Variants in FGF14 observed in about 807,000 individuals in gnomAD.
FGF14 encodes fibroblast growth factor homologous factor 4.
In FGF14, 5 loss-of-function variants were observed where a neutral mutation model predicts 25.5. The ratio of observed to expected loss-of-function variants is 0.20; its 90% confidence interval spans 0.10 to 0.41. The LOEUF is 0.41. Ranked by LOEUF, FGF14 falls within the 10% of genes least tolerant of loss-of-function variation. The pLI, the probability that FGF14 is intolerant of heterozygous loss-of-function variation, is 1.00. For missense variants in FGF14, 222 were observed against 320.1 expected (o/e 0.69, Z 2.34); for synonymous variants, 138 against 118.3 (o/e 1.17, Z -1.08).
chr13:102,130,415 G>A (rs945968858), intron 1 of FGF14, among the ~76,000 whole-genome samples: 20 of 152,040 alleles, frequency 1.3e-4, no homozygotes, highest in African/African-American at 2.9e-4. Context: ...AACCTTTCAC[G>A]TATCACATCC....
chr13:101,997,917 G>A (rs533889360), intron 1 of FGF14, among the ~76,000 whole-genome samples: 4 of 152,204 alleles, frequency 2.6e-5, no homozygotes, highest in African/African-American at 9.6e-5. Context: ...ACAACATGAT[G>A]TTATGGGATA....
intron 1 of FGF14, among the ~76,000 whole-genome samples, chr13:101,924,855 A>G (rs899464735): frequency 6.6e-6 from 1 of 152,236 alleles, no homozygotes; most frequent in Non-Finnish European, 1.5e-5. Context: ...TATTTGAAAT[A>G]TACATGTCTG....
At chr13:102,286,442 T>C (rs1244374439) in intron 1 of FGF14, among the ~76,000 whole-genome samples, 3 of 152,206 alleles carry the variant, frequency 2.0e-5, no homozygotes, top group Admixed American at 6.5e-5. Context: ...ACATATTTCA[T>C]TGAAATGTTT....
In FGF14 at chr13:101,835,573, G is replaced by T. The variant is rs16959385; in HGVS notation, c.408+33152C>A. Among the ~76,000 whole-genome samples, 327 of 152,082 alleles carry T rather than the reference G, an allele frequency of 2.2e-3. 1 individual carries two copies. Among genetic ancestry groups the T allele is most frequent in the African/African-American group, 7.5e-3 (312 of 41,502 alleles). ...TTTTAGCTGTAGCCGAATATCAAGG[G>T]TAAAATAGGCACAGCGTGGTCCCAA... On this transcript the variant is annotated intron_variant, in intron 3 of 4. Coordinates refer to ENST00000376143, the MANE Select transcript of FGF14 (RefSeq NM_004115.4).
intron 3 of FGF14, among the ~76,000 whole-genome samples, chr13:101,779,966 C>T (rs1179787272): frequency 6.6e-6 from 1 of 152,026 alleles, no homozygotes; most frequent in Non-Finnish European, 1.5e-5. Flanking sequence ...GAAAAACCTC[C>T]CTTCTCTGTG....
chr13:102,132,333 C>A (rs2140416898), intron 1 of FGF14, among the ~76,000 whole-genome samples: 1 of 152,246 alleles, frequency 6.6e-6, no homozygotes, highest in South Asian at 2.1e-4. Flanking sequence ...AAATTTAAGA[C>A]ATATACACAT....
intron 1 of FGF14, among the ~76,000 whole-genome samples, chr13:101,907,328 T>C (rs2032369002): frequency 6.6e-6 from 1 of 152,134 alleles, no homozygotes; most frequent in South Asian, 2.1e-4. Flanking sequence ...GTATTAATAC[T>C]CTCAATTAGA....
chr13:101,906,481 C>T (rs2032260764), intron 1 of FGF14, among the ~76,000 whole-genome samples: 1 of 152,080 alleles, frequency 6.6e-6, no homozygotes, highest in Admixed American at 6.6e-5. Flanking sequence ...AATAAAAAGA[C>T]ATTAAGCAAT....
chr13:102,276,091 T>C (rs898159221), intron 1 of FGF14, among the ~76,000 whole-genome samples: 2 of 151,782 alleles, frequency 1.3e-5, no homozygotes, highest in Non-Finnish European at 2.9e-5. Context: ...CCCTATGAAA[T>C]GTTTTCAGCA....
intron 3 of FGF14, among the ~76,000 whole-genome samples, chr13:101,821,011 G>GCT (rs2042116806): frequency 6.8e-6 from 1 of 146,278 alleles, no homozygotes; most frequent in African/African-American, 2.5e-5. Flanking sequence ...GCAGTGGCAT[G>GCT]ATCTCGGCTC....
At position 102,275,234 on chromosome 13, in the gene FGF14, T is replaced by TTG. The variant is rs1555391830; in HGVS notation, c.208+126236_208+126237insCA. ...ATCTGCCAACTGAGATTAGGCAGAT[T>TTG]TCTCTCTCTCTCTCTCTCTCTCTCT... On this transcript the variant is annotated intron_variant, in intron 1 of 4. Transcript: ENST00000376131. Among the ~76,000 whole-genome samples, 5 of 67,490 alleles carry TTG rather than the reference T, an allele frequency of 7.4e-5. No homozygotes were observed. The East Asian group carries it at 1.1e-3, about 15-fold the overall frequency. 44.3% of individuals were successfully genotyped at this position (67,490 alleles called of 152,430 possible).
intron 1 of FGF14, among the ~76,000 whole-genome samples, chr13:102,279,495 G>A (rs547473230): frequency 8.3e-4 from 127 of 152,222 alleles, no homozygotes; most frequent in African/African-American, 2.9e-3. Flanking sequence ...TATATATTAT[G>A]TGATTGTTTT....
chr13:102,177,958 T>C (rs919047434), intron 1 of FGF14, among the ~76,000 whole-genome samples: 2 of 152,062 alleles, frequency 1.3e-5, no homozygotes, highest in African/African-American at 4.8e-5. Flanking sequence ...ATTCAGCACA[T>C]AGCACATGTC....
At chr13:101,822,733 C>T (rs1378564426) in intron 3 of FGF14, among the ~76,000 whole-genome samples, 1 of 152,150 alleles carries the variant, frequency 6.6e-6, no homozygotes, top group South Asian at 2.1e-4. Context: ...GTGTTGGGAA[C>T]ATTTCAAATC....
chr13:102,255,710 C>G (rs2052404548), intron 1 of FGF14, among the ~76,000 whole-genome samples: 1 of 152,176 alleles, frequency 6.6e-6, no homozygotes, highest in Non-Finnish European at 1.5e-5. Context: ...AGAAAAACAG[C>G]CTTTCTTCTG....
rs547489906 is a variant in FGF14 at position 102,103,825 on chromosome 13, T to A, written c.209-228529A>T. ...AGAGTAATGCAGAAGTCACTGACCA[T>A]CAAGAAATCCAGGATGATAAGCGCC... is the stretch of plus-strand genomic sequence containing the variant. On this transcript the variant is annotated intron_variant, in intron 1 of 4. Transcript: ENST00000376131. Among the ~76,000 whole-genome samples, 10 of 152,244 alleles carry A rather than the reference T, an allele frequency of 6.6e-5. No homozygotes were observed. In the South Asian group the frequency reaches 2.1e-3, roughly 32 times the overall value.
intron 1 of FGF14, among the ~76,000 whole-genome samples, chr13:102,268,234 G>A (rs553504046): frequency 8.6e-4 from 131 of 152,038 alleles, no homozygotes; most frequent in South Asian, 7.5e-3. Flanking sequence ...GCAGACACTC[G>A]GTGTCATTGA....
At chr13:101,874,938 T>C (rs2045314126) in intron 2 of FGF14, among the ~76,000 whole-genome samples, 2 of 152,140 alleles carry the variant, frequency 1.3e-5, no homozygotes, top group African/African-American at 4.8e-5. Flanking sequence ...TTTCTGGGTA[T>C]GATAACTGTC....
rs1011577450 is a variant in FGF14 at position 101,726,548 on chromosome 13, T to A, written c.607+64A>T. ...AGGTTTCTTAGAGCCATGGTAGACC[T>A]ATCAATTTGAAAAATAAAATATGTA... On this transcript the variant is annotated intron_variant, in intron 4 of 4. Transcript: ENST00000376143. 13 of 1,473,670 alleles carry A rather than the reference T, an allele frequency of 8.8e-6. No homozygotes were observed. In the Admixed American group the frequency reaches 1.7e-4, roughly 19 times the overall value. 91.3% of individuals were successfully genotyped at this position (1,473,670 alleles called of 1,614,324 possible).
Sources: allele counts gnomAD v4.1 joint callset (sites outside exome capture counted in the v4.1 genomes callset), GRCh38; gene constraint gnomAD v4.1.1; transcripts MANE v1.5; gene names NCBI Gene and HGNC (gene_info 2026-07-23, HGNC 2026-07-21).